CTU2: variants seen among roughly 807,000 people sequenced by gnomAD.
CTU2 encodes cytosolic thiouridylase subunit 2.
In CTU2, 80 loss-of-function variants were observed where a neutral mutation model predicts 64.1. That is an observed-to-expected ratio of 1.25 (90% CI 1.04 to 1.50). CTU2 has a LOEUF of 1.50. Among genes scored for constraint, CTU2 ranks in the 40% most tolerant of loss-of-function variants. The pLI is 0.00. For missense variants in CTU2, 1,110 were observed against 690.2 expected (o/e 1.61, Z -6.81); for synonymous variants, 482 against 285.3 (o/e 1.69, Z -6.95).
rs137933845 is a variant in CTU2 at position 88,706,555 on chromosome 16, G to A, written c.25G>A (p.Gly9Arg). 26,384 of 1,458,604 alleles carry A rather than the reference G, an allele frequency of 0.018. 272 individuals are homozygous for A. Among genetic ancestry groups the A allele is most frequent in the Middle Eastern group, 0.023 (97 of 4,214 alleles). The allele number at this position is 1,458,604 out of a possible 1,614,324, so 90.4% of individuals were successfully genotyped here. ...CATGTGTCAGGTGGGCGAGGACTAC[G>A]GGGAGCCGGCGCCTGAGGAGCCGCC... The part of the protein sequence containing the change: MCQVGEDY[G>R]EPAPEEPPPA... The change falls in exon 1 of 15, where the codon GGG becomes AGG. Residue 9 changes from glycine (G) to arginine (R), a missense_variant. Transcript: ENST00000453996.
In CTU2 at chr16:88,714,389, T is replaced by C. The variant is rs899126271; in HGVS notation, c.1104T>C (p.Ser368=). The C allele has an allele frequency of 3.7e-6, 6 of 1,611,730 alleles. No individual in the cohort carries two copies. The African/African-American group carries it at 6.7e-5, about 18-fold the overall frequency. The part of the protein sequence containing the change: ...PSTVSTVYRT[S]EKLVKGPRDG... ...TCCCACAATCCGGCCACAGGACAAGTGAGAAGCTGGTGAAGGGCCCCCGGG... is the reference window on the plus strand; with the variant it reads ...TCCCACAATCCGGCCACAGGACAAGCGAGAAGCTGGTGAAGGGCCCCCGGG... The change falls in exon 11 of 15, where the codon AGT becomes AGC. Residue 368 remains serine, a synonymous_variant. Coordinates refer to ENST00000453996, the MANE Select transcript of CTU2 (RefSeq NM_001012759.3).
chr16:88,714,026 AC>A (rs1427335511), intron 9 of CTU2, 109 bp from the exon 10 acceptor site: 27 of 1,173,012 alleles, frequency 2.3e-5, no homozygotes, highest in South Asian at 1.9e-4. Flanking sequence ...GCAAAGCCAG[AC>A]CCATGTGGGC....
rs373232663 is a variant in CTU2, at chr16:88,714,935, G to A, written c.1419+9G>A. 46 of 1,612,342 alleles carry A rather than the reference G, an allele frequency of 2.9e-5. No individual in the cohort carries two copies. In the African/African-American group the frequency reaches 3.6e-4, roughly 13 times the overall value. On this transcript the variant is annotated intron_variant, in intron 13 of 14. Transcript: ENST00000453996. ...TGAACATGAAGGACTTGGTGAGTACGTGCCCACCTGTCCTGGGCCGGGCTT... is the reference window on the plus strand; with the variant it reads ...TGAACATGAAGGACTTGGTGAGTACATGCCCACCTGTCCTGGGCCGGGCTT...
chr16:88,715,051 T>G lies in CTU2; in HGVS notation c.1423T>G (p.Ser475Ala). The G allele has an allele frequency of 6.4e-7, 1 of 1,573,820 alleles. No homozygotes were observed. The highest frequency in any genetic ancestry group is 8.6e-7 in the Non-Finnish European group (1 of 1,158,588). The change falls in exon 14 of 15, where the codon TCA (serine) becomes GCA (alanine). Residue 475 changes from serine to alanine, a missense_variant. Physicochemically the swap from Ser to Ala is moderately conservative, Grantham distance 99 (BLOSUM62 1). Coordinates refer to ENST00000453996, the MANE Select transcript of CTU2 (RefSeq NM_001012759.3). The part of the protein sequence containing the change: ...SCRVNMKDLP[S>A]LDPLPPYILA... ...TCGACACCGGCCTCTGTTGCAGCCC[T>G]CACTGGACCCCCTGCCGCCGTACAT...
intron 9 of CTU2, 102 bp from the exon 10 acceptor site, chr16:88,714,034 G>A (rs1597433008): frequency 5.0e-6 from 6 of 1,209,346 alleles, no homozygotes; most frequent in African/African-American, 4.5e-5. Context: ...AGACCCATGT[G>A]GGCCAGCAGC....
At position 88,714,481 on chromosome 16, in the gene CTU2, CCG is replaced by C. The variant is rs749052411; in HGVS notation, c.1198_1199del (p.Ala400Ter). 1.9e-6 allele frequency: 3 copies of C among 1,612,646 alleles called. No homozygotes were observed. The highest frequency in any genetic ancestry group is 2.5e-6 in the Non-Finnish European group (3 of 1,179,876). ...TGCATGTGTGCCCTGGACGTCGACG[CCG>C]CTGGTCTGTGTTTCATGCTCTTGGG... On this transcript the variant is annotated frameshift_variant, in exon 11 of 15. Coordinates refer to ENST00000453996, the MANE Select transcript of CTU2 (RefSeq NM_001012759.3). LOFTEE classifies it high-confidence loss of function.
chr16:88,708,752 C>G (rs1567645846), intron 2 of CTU2, among the ~76,000 whole-genome samples: 3 of 152,132 alleles, frequency 2.0e-5, no homozygotes, highest in Non-Finnish European at 2.9e-5. Flanking sequence ...AAGGAAGAGA[C>G]TTAGAGCCCC....
At chr16:88,707,022 G>T (rs902599216) in intron 1 of CTU2, 114 bp from the exon 2 acceptor site, 11 of 965,394 alleles carry the variant, frequency 1.1e-5, no homozygotes, top group African/African-American at 1.1e-4. Flanking sequence ...GTACCGAGGT[G>T]CCTTTCTCTG....
At position 88,715,327 on chromosome 16, in the gene CTU2, G is replaced by A; in HGVS notation, c.*76G>A. 6.9e-7 allele frequency: 1 copy of A among 1,454,938 alleles called. No homozygotes were observed. Among genetic ancestry groups the A allele is most frequent in the Non-Finnish European group, 9.4e-7 (1 of 1,062,740 alleles). 90.1% of individuals were successfully genotyped at this position (1,454,938 alleles called of 1,614,324 possible). ...ACACTGGAGCCGGAAGGCAAGGACG[G>A]GGGACTGGCCTCTGATTGTCCATTT... On this transcript the variant is annotated 3_prime_UTR_variant, in exon 15 of 15. Transcript: ENST00000453996.
In CTU2 at chr16:88,712,916, G is replaced by A. The variant is rs753867481; in HGVS notation, c.737+11G>A. On this transcript the variant is annotated intron_variant, in intron 7 of 14. Transcript: ENST00000453996. ...TCTGCAGACCCTGCGGTGAGGCCCCGAGAGCCCCCCTTCCCCGGGCCCTGA... is the reference window on the plus strand; with the variant it reads ...TCTGCAGACCCTGCGGTGAGGCCCCAAGAGCCCCCCTTCCCCGGGCCCTGA... 1.2e-5 allele frequency: 17 copies of A among 1,386,082 alleles called. No homozygotes were observed. The highest frequency in any genetic ancestry group is 1.7e-5 in the African/African-American group (1 of 59,356). The allele number at this position is 1,386,082 out of a possible 1,614,324, so 85.9% of individuals were successfully genotyped here.
At chr16:88,708,799 C>G (rs897135164) in intron 2 of CTU2, among the ~76,000 whole-genome samples, 13 of 152,124 alleles carry the variant, frequency 8.5e-5, no homozygotes, top group Non-Finnish European at 1.9e-4. Flanking sequence ...ATTGTCCGCT[C>G]TGTACCGGGT....
chr16:88,714,493 G>C lies in CTU2; in HGVS notation c.1201+7G>C. ...CTGGACGTCGACGCCGCTGGTCTGTGTTTCATGCTCTTGGGGTGATGCGGG... is the reference window on the plus strand; with the variant it reads ...CTGGACGTCGACGCCGCTGGTCTGTCTTTCATGCTCTTGGGGTGATGCGGG... On this transcript the variant is annotated splice_region_variant and intron_variant, in intron 11 of 14. Transcript: ENST00000453996. 6.2e-7 allele frequency: 1 copy of C among 1,612,676 alleles called. No homozygotes were observed. The highest frequency in any genetic ancestry group is 1.3e-5 in the African/African-American group (1 of 75,060).
intron 2 of CTU2, among the ~76,000 whole-genome samples, chr16:88,707,663 C>T (rs1007408325): frequency 5.9e-5 from 9 of 152,110 alleles, no homozygotes; most frequent in African/African-American, 1.9e-4. Context: ...TTCCCCCAGG[C>T]GCTTGTCATG....
rs756173624 is a variant in CTU2, at chr16:88,714,186, G to A, written c.1056G>A (p.Arg352=). 1.9e-6 allele frequency: 3 copies of A among 1,612,646 alleles called. No individual in the cohort carries two copies. The highest frequency in any genetic ancestry group is 2.2e-5 in the East Asian group (1 of 44,846). ...IHRLMEAFIL[R]LQTQFPSTVS... ...GGCTGATGGAGGCCTTCATCCTCAGGCTGCAGACCCAGTTCCCCTCCACTG... is the reference window on the plus strand; with the variant it reads ...GGCTGATGGAGGCCTTCATCCTCAGACTGCAGACCCAGTTCCCCTCCACTG... Residue 352 remains arginine (R), a synonymous_variant, in exon 10 of 15, where the codon AGG becomes AGA. Coordinates refer to ENST00000453996, the MANE Select transcript of CTU2 (RefSeq NM_001012759.3).
chr16:88,712,225 C>G (rs1227097249), intron 5 of CTU2, 49 bp from the exon 6 acceptor site: 2 of 1,506,838 alleles, frequency 1.3e-6, no homozygotes, highest in Non-Finnish European at 9.1e-7. Context: ...GCAGCCTGCC[C>G]TGCCTGGCTC....
chr16:88,714,977 C>T (rs200512465), intron 13 of CTU2, 51 bp downstream of exon 13: 182 of 1,524,996 alleles, frequency 1.2e-4, no homozygotes, highest in East Asian at 3.3e-4. Context: ...GCGGGAAGGC[C>T]GTCACCTCGT....
chr16:88,713,248 A>G (rs199939211), intron 7 of CTU2, 64 bp from the exon 8 acceptor site: 51 of 761,956 alleles, frequency 6.7e-5, no homozygotes, highest in Middle Eastern at 4.6e-4. Flanking sequence ...CCCCACTCAT[A>G]CCCGAGAGCC....
At chr16:88,708,475 G>A (rs1056339862) in intron 2 of CTU2, among the ~76,000 whole-genome samples, 14 of 152,016 alleles carry the variant, frequency 9.2e-5, no homozygotes, top group African/African-American at 3.4e-4. Context: ...AGGCTCTCCT[G>A]GTCCACAGTG....
intron 4 of CTU2, 154 bp downstream of exon 4, chr16:88,710,436 C>T: frequency 2.9e-6 from 2 of 680,934 alleles, no homozygotes; most frequent in African/African-American, 1.8e-5. Context: ...GTGTTCACAA[C>T]AGGTGCACCA....
Sources: gnomAD v4.1 joint callset for allele counts (sites outside exome capture counted in the v4.1 genomes callset) on GRCh38, gnomAD v4.1.1 for gene constraint, MANE v1.5 for transcripts, NCBI Gene and HGNC (gene_info 2026-07-23, HGNC 2026-07-21) for gene names.